BRWD3: variants seen among roughly 807,000 people sequenced by gnomAD.
BRWD3 encodes the protein bromodomain and WD repeat domain containing 3.
In BRWD3, 10 loss-of-function variants were observed where a neutral mutation model predicts 149.7. The observed-to-expected ratio is 0.07, with a 90% CI of 0.04 to 0.11. BRWD3 has a LOEUF of 0.11. BRWD3 is among the 10% of genes least tolerant of loss of function. BRWD3 has a pLI of 1.00. For missense variants in BRWD3, 940 were observed against 1,373.2 expected, an observed-to-expected ratio of 0.68 and a Z score of 4.99; for synonymous variants, 504 against 456.7, an observed-to-expected ratio of 1.10 and a Z score of -1.32.
intron 20 of BRWD3, among the ~76,000 whole-genome samples, chrX:80,714,775 T>C (rs1401134609): frequency 1.8e-5 from 2 of 111,949 alleles, no homozygotes; most frequent in East Asian, 2.8e-4. Flanking sequence ...ATTCATGCCA[T>C]GTTTAATCCC....
chrX:80,780,918 A>T (rs1373871705), intron 6 of BRWD3, among the ~76,000 whole-genome samples: 3 of 112,343 alleles, frequency 2.7e-5, no homozygotes, highest in Non-Finnish European at 5.6e-5. Flanking sequence ...TTACATATAA[A>T]CAAGAGATAG....
chrX:80,727,720 A>ACACT (rs201174107), intron 14 of BRWD3, among the ~76,000 whole-genome samples: 1 of 856 alleles, frequency 1.2e-3, no homozygotes, highest in Non-Finnish European at 1.5e-3. Flanking sequence ...CAAGGAGTTG[A>ACACT]CAAGTTGAGA....
chrX:80,726,242 ATG>A (rs1401929566), intron 14 of BRWD3, among the ~76,000 whole-genome samples: 1 of 95,920 alleles, frequency 1.0e-5, no homozygotes, highest in Non-Finnish European at 2.2e-5. Context: ...TACATGTTAT[ATG>A]TCTGTATAAC....
At chrX:80,738,781 G>C (rs932531920) in intron 8 of BRWD3, among the ~76,000 whole-genome samples, 8 of 112,009 alleles carry the variant, frequency 7.1e-5, no homozygotes, top group Non-Finnish European at 1.1e-4. Flanking sequence ...ACAGGAAACA[G>C]TTAAGAGCAA....
intron 21 of BRWD3, among the ~76,000 whole-genome samples, chrX:80,708,940 CAGA>C (rs2072914689): frequency 9.0e-6 from 1 of 111,355 alleles, no homozygotes; most frequent in Non-Finnish European, 1.9e-5. Flanking sequence ...GACTGGAGAA[CAGA>C]AGAACAAGAT....
intron 8 of BRWD3, among the ~76,000 whole-genome samples, chrX:80,741,886 T>C (rs1285260529): frequency 8.9e-6 from 1 of 112,104 alleles, no homozygotes; most frequent in African/African-American, 3.2e-5. Flanking sequence ...TGGTGGTTTC[T>C]TTTGCTGTGC....
chrX:80,722,640 T>G lies in BRWD3; in HGVS notation c.1798A>C (p.Lys600Gln). The G allele has an allele frequency of 8.3e-7, 1 of 1,211,848 alleles. No individual in the cohort carries two copies. The part of the protein sequence containing the change: ...VDVDGNPHPT[K>Q]FQRLVPGREN... Reference sequence around the variant, plus strand: ...CGTCCTGGTACCAACCGTTGGAATTTTGTGGGATGAGGATTTCCATCAACA... The same window carrying G: ...CGTCCTGGTACCAACCGTTGGAATTGTGTGGGATGAGGATTTCCATCAACA... The change falls in exon 17 of 41, where the codon AAA becomes CAA. Residue 600 changes from lysine (K) to glutamine (Q), a missense_variant. Around this residue, in one of 6 missense-constraint regions of BRWD3, gnomAD observed 209 missense variants for 396.8 expected, o/e 0.53. Coordinates refer to ENST00000373275, the MANE Select transcript of BRWD3 (RefSeq NM_153252.5).
rs781779498 is a variant in BRWD3, at chrX:80,745,740, T to C, written c.431-11A>G. ...CAGAGGTGATATTCACTGAAAAAAA[T>C]ACGAAATTAACTTAAAACTTAAAAG... is the stretch of plus-strand genomic sequence containing the variant. On this transcript the variant is annotated splice_polypyrimidine_tract_variant and intron_variant, in intron 6 of 40. Transcript: ENST00000373275. 3 of 1,187,949 alleles carry C rather than the reference T, an allele frequency of 2.5e-6. No homozygotes were observed. Among genetic ancestry groups the C allele is most frequent in the Admixed American group, 4.5e-5 (2 of 44,430 alleles).
chrX:80,801,037 G>A (rs1281331689), intron 4 of BRWD3, among the ~76,000 whole-genome samples: 1 of 108,613 alleles, frequency 9.2e-6, no homozygotes, highest in Non-Finnish European at 1.9e-5. Flanking sequence ...ATTCTAGTAG[G>A]TGCTCAGTAG....
At chrX:80,801,214 C>CTT (rs763933804) in intron 4 of BRWD3, among the ~76,000 whole-genome samples, 1,292 of 57,241 alleles carry the variant, frequency 0.023, 26 homozygotes, top group East Asian at 0.027. Flanking sequence ...GAGAAAACAT[C>CTT]TTTTTTTTTT....
At chrX:80,725,562 T>C (rs1285419489) in intron 14 of BRWD3, among the ~76,000 whole-genome samples, 1 of 112,735 alleles carries the variant, frequency 8.9e-6, no homozygotes, top group Non-Finnish European at 1.9e-5. Flanking sequence ...CCATTTAAGA[T>C]GTTATCTGGA....
At chrX:80,697,354 C>T (rs949196457) in intron 25 of BRWD3, among the ~76,000 whole-genome samples, 1 of 111,099 alleles carries the variant, frequency 9.0e-6, no homozygotes, top group Non-Finnish European at 1.9e-5. Flanking sequence ...ATGGGGTACA[C>T]GTGCAGGTTT....
At chrX:80,690,979 A>G in intron 31 of BRWD3, 74 bp downstream of exon 31, 1 of 1,111,891 alleles carries the variant, frequency 9.0e-7, no homozygotes, top group South Asian at 1.9e-5. Context: ...TACTATGGAA[A>G]TGCAGATCTC....
intron 14 of BRWD3, among the ~76,000 whole-genome samples, chrX:80,725,729 CAT>C (rs1467141836): frequency 2.7e-5 from 3 of 109,476 alleles, no homozygotes; most frequent in Non-Finnish European, 5.8e-5. Flanking sequence ...AACATGTTTA[CAT>C]GTGTTACATG....
Position 80,809,700 on chromosome X carries a change from G to GA in BRWD3, c.-230_-229insT, listed in dbSNP as rs1555990744. On this transcript the variant is annotated 5_prime_UTR_variant, in exon 1 of 41. Coordinates refer to ENST00000373275, the MANE Select transcript of BRWD3 (RefSeq NM_153252.5). ...AGGAGGAAGGAGAGGAGAGGGAGAG[G>GA]GAGAGAGAGAGTGAGTGAGTGAGAG... The GA allele has an allele frequency of 8.4e-5, 26 of 310,026 alleles. No homozygotes were observed. In the East Asian group the frequency reaches 1.3e-3, roughly 15 times the overall value. The allele number at this position is 310,026 out of a possible 1,213,427, so 25.5% of individuals were successfully genotyped here.
At chrX:80,712,295 C>T (rs1269369405) in intron 20 of BRWD3, among the ~76,000 whole-genome samples, 1 of 110,853 alleles carries the variant, frequency 9.0e-6, no homozygotes, top group South Asian at 3.9e-4. Context: ...ATTGCAGGCA[C>T]GCGCCGCCAC....
chrX:80,803,974 ATG>A (rs956925481), intron 4 of BRWD3, among the ~76,000 whole-genome samples: 1 of 112,535 alleles, frequency 8.9e-6, no homozygotes, highest in African/African-American at 3.2e-5. Flanking sequence ...TTAAACTTGA[ATG>A]TGTTATATGC....
chrX:80,781,485 C>A (rs997100108), intron 6 of BRWD3, among the ~76,000 whole-genome samples: 8 of 111,228 alleles, frequency 7.2e-5, no homozygotes, highest in African/African-American at 2.6e-4. Flanking sequence ...TCCAGCTAGT[C>A]CTGTCTCTCA....
rs945519498 is a variant in BRWD3, at chrX:80,675,164, C to T, written c.*1445G>A. On this transcript the variant is annotated 3_prime_UTR_variant, in exon 41 of 41. Transcript: ENST00000373275. ...TCAAGCTCACTTATGGAACCATGTG[C>T]ACTCTACTGCTGTAAACAAGACAAT... 4.5e-5 allele frequency: 5 copies of T among 111,675 alleles called. No homozygotes were observed. The highest frequency in any genetic ancestry group is 2.9e-4 in the Admixed American group (3 of 10,480). 9.2% of individuals were successfully genotyped at this position (111,675 alleles called of 1,213,427 possible).
Sources: gnomAD v4.1 joint callset for allele counts (sites outside exome capture counted in the v4.1 genomes callset) on GRCh38, gnomAD v4.1.1 for gene constraint, gnomAD v4.1.1 regional missense constraint, MANE v1.5 for transcripts, NCBI Gene and HGNC (gene_info 2026-07-23, HGNC 2026-07-21) for gene names.